SAMSN1: variants seen among roughly 807,000 people sequenced by gnomAD.
SAMSN1 encodes the protein SAM domain-containing protein SAMSN-1.
Under a neutral mutation model 42.0 loss-of-function variants are expected in SAMSN1, and 31 were observed. That is an observed-to-expected ratio of 0.74 (90% confidence interval 0.55 to 1.00). The LOEUF is 1.00. Ranked by LOEUF, SAMSN1 falls within the 50% of genes least tolerant of loss-of-function variation. The pLI is 0.00. For synonymous variants in SAMSN1, 178 were observed against 151.9 expected (o/e 1.17, Z -1.26); for missense variants, 464 against 439.4 (o/e 1.06, Z -0.50).
intron 1 of SAMSN1, among the ~76,000 whole-genome samples, chr21:14,543,983 GA>G (rs920356985): frequency 1.3e-5 from 2 of 152,168 alleles, no homozygotes; most frequent in Non-Finnish European, 2.9e-5. Flanking sequence ...TTCAGTAAAT[GA>G]AAGGATTTGC....
chr21:14,623,151 G>T (rs534701000), intron 2 of SAMSN1, among the ~76,000 whole-genome samples: 1 of 152,322 alleles, frequency 6.6e-6, no homozygotes, highest in African/African-American at 2.4e-5. Context: ...ACCAGTACCA[G>T]CCACTGCAAA....
At chr21:14,608,576 A>T (rs1982623683) in intron 5 of SAMSN1, among the ~76,000 whole-genome samples, 1 of 152,102 alleles carries the variant, frequency 6.6e-6, no homozygotes, top group Non-Finnish European at 1.5e-5. Flanking sequence ...GGTGCACATG[A>T]TCTAGTAAGA....
At chr21:14,541,246 A>G (rs1980008735) in intron 1 of SAMSN1, among the ~76,000 whole-genome samples, 1 of 152,096 alleles carries the variant, frequency 6.6e-6, no homozygotes, top group Non-Finnish European at 1.5e-5. Context: ...AAACCTGCAC[A>G]TGTACCCTAG....
At chr21:14,609,343 C>T in intron 5 of SAMSN1, 2 of 616,370 alleles carry the variant, frequency 3.2e-6, no homozygotes, top group Admixed American at 2.8e-5. Flanking sequence ...ATATTCTATT[C>T]TATCTTATTT....
At chr21:14,595,740 T>C (rs891463536) in intron 6 of SAMSN1, among the ~76,000 whole-genome samples, 1 of 152,164 alleles carries the variant, frequency 6.6e-6, no homozygotes, top group Non-Finnish European at 1.5e-5. Context: ...TTCCATAAAG[T>C]CTAAACCCCA....
chr21:14,634,527 A>G (rs1362808547), intron 2 of SAMSN1, among the ~76,000 whole-genome samples: 2 of 152,244 alleles, frequency 1.3e-5, no homozygotes, highest in East Asian at 3.8e-4. Flanking sequence ...GATACTTCTC[A>G]AAAGAAGACA....
chr21:14,499,122 G>T (rs918099141), intron 6 of SAMSN1, among the ~76,000 whole-genome samples: 3 of 152,108 alleles, frequency 2.0e-5, no homozygotes, highest in Non-Finnish European at 4.4e-5. Flanking sequence ...TGATTGAAAG[G>T]CATTATGTAA....
chr21:14,569,320 A>G (rs1190751326), intron 2 of SAMSN1, among the ~76,000 whole-genome samples: 1 of 152,114 alleles, frequency 6.6e-6, no homozygotes, highest in Non-Finnish European at 1.5e-5. Flanking sequence ...TGCATTTAAA[A>G]GTTACTTCTT....
At chr21:14,530,994 T>C (rs143994319) in intron 1 of SAMSN1, among the ~76,000 whole-genome samples, 2 of 152,072 alleles carry the variant, frequency 1.3e-5, no homozygotes, top group African/African-American at 4.8e-5. Flanking sequence ...TTATAGAATA[T>C]TAAATAATAT....
chr21:14,493,705 G>T (rs1275114204), intron 7 of SAMSN1, among the ~76,000 whole-genome samples: 1 of 152,008 alleles, frequency 6.6e-6, no homozygotes, highest in Admixed American at 6.5e-5. Context: ...AAACCTAAAT[G>T]TGCACAAAAT....
chr21:14,589,966 T>C (rs1982030084), intron 7 of SAMSN1, among the ~76,000 whole-genome samples: 1 of 152,192 alleles, frequency 6.6e-6, no homozygotes, highest in Non-Finnish European at 1.5e-5. Context: ...GGTTTATTTT[T>C]AAAGAAAACT....
At chr21:14,591,098 G>A (rs1434974667) in intron 7 of SAMSN1, among the ~76,000 whole-genome samples, 1 of 152,068 alleles carries the variant, frequency 6.6e-6, no homozygotes, top group Non-Finnish European at 1.5e-5. Flanking sequence ...TACAGTTGGT[G>A]GGAAAATTGC....
At chr21:14,612,822 C>A in intron 4 of SAMSN1, 1 of 683,068 alleles carries the variant, frequency 1.5e-6, no homozygotes. Context: ...GAGAAAAGAA[C>A]TTGTGGGGAG....
intron 1 of SAMSN1, among the ~76,000 whole-genome samples, chr21:14,526,682 T>C (rs951817292): frequency 6.6e-6 from 1 of 152,164 alleles, no homozygotes; most frequent in Non-Finnish European, 1.5e-5. Flanking sequence ...TCTGATATAC[T>C]CTCCCCTATG....
At chr21:14,574,516 C>G (rs143901756) in intron 2 of SAMSN1, among the ~76,000 whole-genome samples, 1 of 152,204 alleles carries the variant, frequency 6.6e-6, no homozygotes, top group Non-Finnish European at 1.5e-5. Context: ...CATAACAATT[C>G]TATAACTAGA....
At chr21:14,642,969 A>G in intron 2 of SAMSN1, 1 of 714,160 alleles carries the variant, frequency 1.4e-6, no homozygotes, top group Middle Eastern at 2.3e-4. Flanking sequence ...TAATAGAGAA[A>G]AAAAAATCCA....
intron 1 of SAMSN1, among the ~76,000 whole-genome samples, chr21:14,534,250 TA>T (rs1294047494): frequency 6.6e-6 from 1 of 152,200 alleles, no homozygotes; most frequent in African/African-American, 2.4e-5. Context: ...TGTTCTATAC[TA>T]TCAATGTTTT....
intron 5 of SAMSN1, among the ~76,000 whole-genome samples, chr21:14,509,024 G>A (rs1987553705): frequency 6.6e-6 from 1 of 152,034 alleles, no homozygotes; most frequent in South Asian, 2.1e-4. Context: ...GCTGAGGGAG[G>A]AGAATCGCTT....
chr21:14,559,193 G>A (rs529851800), intron 2 of SAMSN1, among the ~76,000 whole-genome samples: 1 of 152,050 alleles, frequency 6.6e-6, no homozygotes, highest in Non-Finnish European at 1.5e-5. Context: ...AATATATAGG[G>A]GAAAAACATG....
Sources: gnomAD v4.1 joint callset for allele counts (sites outside exome capture counted in the v4.1 genomes callset) on GRCh38, gnomAD v4.1.1 for gene constraint, MANE v1.5 for transcripts, NCBI Gene and HGNC (gene_info 2026-07-23, HGNC 2026-07-21) for gene names.